Variants in PLS1 observed in about 807,000 individuals in gnomAD.
PLS1 encodes plastin 1.
Under a neutral mutation model 73.7 loss-of-function variants are expected in PLS1, and 32 were observed. The ratio of observed to expected loss-of-function variants is 0.43; its 90% CI spans 0.33 to 0.58. The LOEUF (loss-of-function observed/expected upper bound fraction) is 0.58. PLS1 is among the 20% of genes least tolerant of loss of function. PLS1 has a pLI of 0.04. For missense variants in PLS1, 633 were observed against 740.5 expected (o/e 0.85, Z 1.68); for synonymous variants, 217 against 261.3 (o/e 0.83, Z 1.63).
intron 4 of PLS1, among the ~76,000 whole-genome samples, chr3:142,672,414 C>G (rs185139746): frequency 2.7e-5 from 4 of 147,324 alleles, no homozygotes; most frequent in Non-Finnish European, 5.9e-5. Context: ...GCGATCTCGG[C>G]TCACTGCAAG....
intron 1 of PLS1, among the ~76,000 whole-genome samples, chr3:142,632,137 C>G (rs2036578317): frequency 6.6e-6 from 1 of 152,104 alleles, no homozygotes; most frequent in African/African-American, 2.4e-5. Context: ...TACAAATGGT[C>G]CTTGACTTAC....
intron 1 of PLS1, among the ~76,000 whole-genome samples, chr3:142,608,083 A>C (rs536074401): frequency 6.6e-6 from 1 of 152,242 alleles, no homozygotes; most frequent in Non-Finnish European, 1.5e-5. Flanking sequence ...GGGCTCAGGC[A>C]GTTCTCCTGC....
chr3:142,649,056 C>T lies in PLS1; in HGVS notation c.-36-15146C>T, dbSNP rs376426028. On this transcript the variant is annotated intron_variant, in intron 1 of 15. Coordinates refer to ENST00000457734, the MANE Select transcript of PLS1 (RefSeq NM_001145319.2). ...TACTTTAGAAGTTTCCTGATTTTAACGATTTATTGACTTTGTATGTCATTG... is the reference window on the plus strand; with the variant it reads ...TACTTTAGAAGTTTCCTGATTTTAATGATTTATTGACTTTGTATGTCATTG... 2.8e-3 allele frequency among the ~76,000 whole-genome samples: 429 copies of T among 152,226 alleles called. 3 individuals carry two copies. Among genetic ancestry groups the T allele is most frequent in the Non-Finnish European group, 5.3e-3 (360 of 68,020 alleles).
At chr3:142,647,663 C>T (rs986055244) in intron 1 of PLS1, among the ~76,000 whole-genome samples, 7 of 151,938 alleles carry the variant, frequency 4.6e-5, no homozygotes, top group African/African-American at 9.7e-5. Context: ...CCACCATACC[C>T]GGCTAATTTT....
At chr3:142,685,214 T>A (rs2037939278) in intron 8 of PLS1, among the ~76,000 whole-genome samples, 1 of 152,238 alleles carries the variant, frequency 6.6e-6, no homozygotes, top group African/African-American at 2.4e-5. Context: ...AGATTTCTCT[T>A]ATTCTGAAAT....
At chr3:142,661,529 A>T (rs2037370019) in intron 1 of PLS1, among the ~76,000 whole-genome samples, 1 of 152,168 alleles carries the variant, frequency 6.6e-6, no homozygotes, top group Non-Finnish European at 1.5e-5. Flanking sequence ...AATGAGCCAT[A>T]CTCTTAGAGG....
chr3:142,711,502 A>G lies in PLS1; in HGVS notation c.1631A>G (p.Asp544Gly), dbSNP rs1312171899. 6.3e-7 allele frequency: 1 copy of G among 1,576,700 alleles called. No homozygotes were observed. Among genetic ancestry groups the G allele is most frequent in the East Asian group, 2.2e-5 (1 of 44,452 alleles). Reference sequence around the variant, plus strand: ...GTTCATCTATGCTTTATTTTCTAGGATAAATCTATAAGCACAAGTTTACCT... The same window carrying G: ...GTTCATCTATGCTTTATTTTCTAGGGTAAATCTATAAGCACAAGTTTACCT... Reference protein sequence around the residue: ...NKKTSISSFKDKSISTSLPVL... With the variant: ...NKKTSISSFKGKSISTSLPVL... Residue 544 changes from aspartate (D) to glycine (G), a missense_variant and splice_region_variant, in exon 15 of 16, where the codon GAT becomes GGT. By Grantham distance (94) the Asp-to-Gly change is moderately conservative (BLOSUM62 -1). Transcript: ENST00000457734.
intron 4 of PLS1, among the ~76,000 whole-genome samples, chr3:142,672,339 CTTTTTTTTT>C (rs58039666): frequency 4.2e-5 from 5 of 118,398 alleles, no homozygotes; most frequent in Non-Finnish European, 7.0e-5. Context: ...ATGAAGTGTA[CTTTTTTTTT>C]TTTTTTTTTT....
At chr3:142,623,212 A>T (rs2108564950) in intron 1 of PLS1, among the ~76,000 whole-genome samples, 1 of 152,344 alleles carries the variant, frequency 6.6e-6, no homozygotes, top group South Asian at 2.1e-4. Flanking sequence ...CCATAGGAAG[A>T]AAACCTGCTT....
At position 142,704,635 on chromosome 3, in the gene PLS1, A is replaced by ATTTTTTTTTTTT. The variant is rs10631186; in HGVS notation, c.1629+68_1629+79dup. 9.5e-5 allele frequency: 25 copies of ATTTTTTTTTTTT among 261,986 alleles called. 2 individuals are homozygous for ATTTTTTTTTTTT. The highest frequency in any genetic ancestry group is 8.2e-4 in the African/African-American group (17 of 20,664). 16.2% of individuals were successfully genotyped at this position (261,986 alleles called of 1,614,324 possible). A position where few individuals can be genotyped will look rare whatever the true frequency, so the allele number is the denominator to read the frequency against. ...TTTTTTTTTGTAGGTATAGGAAGGA[A>ATTTTTTTTTTTT]TTTTTTTTTTTTTTTTTTTTTTTTT... On this transcript the variant is annotated intron_variant, in intron 14 of 15. Coordinates refer to ENST00000457734, the MANE Select transcript of PLS1 (RefSeq NM_001145319.2).
chr3:142,701,043 C>T (rs550943614), intron 12 of PLS1, among the ~76,000 whole-genome samples: 1 of 152,312 alleles, frequency 6.6e-6, no homozygotes, highest in Admixed American at 6.5e-5. Context: ...TCTTTTTCTT[C>T]CCAGTCTTGG....
In PLS1 at chr3:142,686,452, A is replaced by C. The variant is rs978616456; in HGVS notation, c.981+76A>C. On this transcript the variant is annotated intron_variant, in intron 9 of 15. Coordinates refer to ENST00000457734, the MANE Select transcript of PLS1 (RefSeq NM_001145319.2). Reference sequence around the variant, plus strand: ...AAAATTTACCATTTTTATCATTTTCAGTGTTCAGTTCAGTGGCATTCAGTA... The same window carrying C: ...AAAATTTACCATTTTTATCATTTTCCGTGTTCAGTTCAGTGGCATTCAGTA... 6 of 884,378 alleles carry C rather than the reference A, an allele frequency of 6.8e-6. No individual in the cohort carries two copies. In the African/African-American group the frequency reaches 9.9e-5, roughly 15 times the overall value. The allele number at this position is 884,378 out of a possible 1,614,324, so 54.8% of individuals were successfully genotyped here.
At chr3:142,659,284 T>C (rs918848696) in intron 1 of PLS1, among the ~76,000 whole-genome samples, 1 of 149,238 alleles carries the variant, frequency 6.7e-6, no homozygotes, top group African/African-American at 2.4e-5. Flanking sequence ...ACAGGGCCAC[T>C]GTGGAAGATG....
At chr3:142,625,919 T>C (rs2036417308) in intron 1 of PLS1, among the ~76,000 whole-genome samples, 1 of 152,126 alleles carries the variant, frequency 6.6e-6, no homozygotes, top group Non-Finnish European at 1.5e-5. Context: ...GGCAGCAGTG[T>C]GCTGTAATTG....
intron 13 of PLS1, among the ~76,000 whole-genome samples, chr3:142,704,238 CA>C (rs1468188455): frequency 6.6e-6 from 1 of 152,068 alleles, no homozygotes; most frequent in African/African-American, 2.4e-5. Context: ...AAAATGGCTT[CA>C]TAAGGAATTG....
At chr3:142,613,677 T>A (rs1351163266) in intron 1 of PLS1, among the ~76,000 whole-genome samples, 1 of 152,172 alleles carries the variant, frequency 6.6e-6, no homozygotes, top group Non-Finnish European at 1.5e-5. Context: ...CTGGGGTGCG[T>A]CTCTTGCTGT....
At chr3:142,709,816 CAA>C (rs11438304) in intron 14 of PLS1, among the ~76,000 whole-genome samples, 24 of 140,540 alleles carry the variant, frequency 1.7e-4, no homozygotes, top group East Asian at 8.5e-4. Flanking sequence ...GACTCTGCGT[CAA>C]AAAAAAAAAA....
At chr3:142,653,081 CA>C (rs1671403516) in intron 1 of PLS1, among the ~76,000 whole-genome samples, 1 of 152,156 alleles carries the variant, frequency 6.6e-6, no homozygotes, top group Non-Finnish European at 1.5e-5. Context: ...CATGTTTTTA[CA>C]TTGTTATTCT....
intron 1 of PLS1, among the ~76,000 whole-genome samples, chr3:142,629,519 A>G (rs1347171400): frequency 6.6e-6 from 1 of 152,110 alleles, no homozygotes; most frequent in Non-Finnish European, 1.5e-5. Flanking sequence ...AATAATTTAT[A>G]TAAAGTTCCT....
Sources: gnomAD v4.1 joint callset for allele counts (sites outside exome capture counted in the v4.1 genomes callset) on GRCh38, gnomAD v4.1.1 for gene constraint, MANE v1.5 for transcripts, NCBI Gene and HGNC (gene_info 2026-07-23, HGNC 2026-07-21) for gene names.